Variants in SIL1 observed in about 807,000 individuals in gnomAD.
SIL1 encodes the protein nucleotide exchange factor SIL1.
In SIL1, 40 loss-of-function variants were observed where a neutral mutation model predicts 49.1. The ratio of observed to expected loss-of-function variants is 0.81; its 90% CI spans 0.63 to 1.06. The LOEUF is 1.06. Ranked by LOEUF, SIL1 falls within the 50% of genes least tolerant of loss-of-function variation. The pLI, the probability that SIL1 is intolerant of heterozygous loss-of-function variation, is 0.00. For synonymous variants in SIL1, 253 were observed against 250.8 expected (o/e 1.01, Z -0.08); for missense variants, 500 against 572.6 (o/e 0.87, Z 1.29).
chr5:139,186,442 G>A (rs1752079068), intron 1 of SIL1, among the ~76,000 whole-genome samples: 1 of 152,080 alleles, frequency 6.6e-6, no homozygotes, highest in Non-Finnish European at 1.5e-5. Context: ...CAGATGGGTA[G>A]CCTATAGGTC....
chr5:139,119,432 A>T (rs1408949988), intron 3 of SIL1, among the ~76,000 whole-genome samples: 1 of 152,192 alleles, frequency 6.6e-6, no homozygotes, highest in African/African-American at 2.4e-5. Flanking sequence ...CAGGACACTG[A>T]CTTCCATCTG....
At chr5:139,108,385 C>T (rs1008674674) in intron 3 of SIL1, among the ~76,000 whole-genome samples, 2 of 152,152 alleles carry the variant, frequency 1.3e-5, no homozygotes. Flanking sequence ...GAAAAAGCTC[C>T]TGGGATTGCT....
intron 1 of SIL1, among the ~76,000 whole-genome samples, chr5:139,170,795 G>C (rs1265325855): frequency 6.7e-6 from 1 of 149,834 alleles, no homozygotes; most frequent in Non-Finnish European, 1.5e-5. Context: ...GCCCTGGCCA[G>C]GCCAGCCGCC....
chr5:139,149,629 C>T (rs923960494), intron 1 of SIL1, among the ~76,000 whole-genome samples: 1 of 152,172 alleles, frequency 6.6e-6, no homozygotes, highest in African/African-American at 2.4e-5. Context: ...AGGCAGAAGA[C>T]AACAGACGTC....
At chr5:139,120,649 T>G (rs1214193171) in intron 3 of SIL1, among the ~76,000 whole-genome samples, 1 of 152,126 alleles carries the variant, frequency 6.6e-6, no homozygotes, top group Admixed American at 6.6e-5. Context: ...CCCACACCAG[T>G]GCTCAGGACT....
chr5:139,185,806 C>T (rs1297443279), intron 1 of SIL1, among the ~76,000 whole-genome samples: 3 of 152,086 alleles, frequency 2.0e-5, no homozygotes, highest in Non-Finnish European at 4.4e-5. Context: ...TGATGCCAGG[C>T]AAGTAAGCAC....
At chr5:139,056,107 G>A (rs1226528822) in intron 3 of SIL1, among the ~76,000 whole-genome samples, 1 of 151,692 alleles carries the variant, frequency 6.6e-6, no homozygotes, top group Non-Finnish European at 1.5e-5. Flanking sequence ...TCTGGGAAGT[G>A]AGGAGCGTCT....
intron 3 of SIL1, among the ~76,000 whole-genome samples, chr5:139,082,882 C>A (rs1055335108): frequency 6.6e-6 from 1 of 152,208 alleles, no homozygotes; most frequent in Non-Finnish European, 1.5e-5. Context: ...TCAGCCCCAT[C>A]AGTCATATAG....
At chr5:139,066,201 T>C (rs1364855792) in intron 3 of SIL1, among the ~76,000 whole-genome samples, 1 of 152,186 alleles carries the variant, frequency 6.6e-6, no homozygotes, top group Non-Finnish European at 1.5e-5. Flanking sequence ...TACTATCTCA[T>C]GGTGTTCAAG....
intron 1 of SIL1, among the ~76,000 whole-genome samples, chr5:139,143,338 C>CATATATATATAT (rs1251442889): frequency 2.6e-3 from 216 of 84,090 alleles, no homozygotes; most frequent in Non-Finnish European, 4.3e-3. Flanking sequence ...CACACACACA[C>CATATATATATAT]ACACACATAT....
intron 3 of SIL1, among the ~76,000 whole-genome samples, chr5:139,100,704 G>C (rs370615715): frequency 6.6e-6 from 1 of 152,114 alleles, no homozygotes; most frequent in Non-Finnish European, 1.5e-5. Flanking sequence ...TGTTGGGATC[G>C]GCTGTCAGAC....
rs559311594 is a variant in SIL1 at position 138,979,334 on chromosome 5, A to T, written c.768-27450T>A. 2.6e-5 allele frequency among the ~76,000 whole-genome samples: 4 copies of T among 152,284 alleles called. No individual in the cohort carries two copies. In the East Asian group the frequency reaches 7.7e-4, roughly 29 times the overall value. ...CGCCTTGGCCTCCCAAAGTGCTGGG[A>T]TTACAGGCGTGAGCCACAGCACCCA... is the stretch of plus-strand genomic sequence containing the variant. On this transcript the variant is annotated intron_variant, in intron 7 of 9. Coordinates refer to ENST00000394817, the MANE Select transcript of SIL1 (RefSeq NM_022464.5).
At chr5:139,004,933 T>C (rs1193298928) in intron 7 of SIL1, among the ~76,000 whole-genome samples, 2 of 152,150 alleles carry the variant, frequency 1.3e-5, no homozygotes, top group Non-Finnish European at 2.9e-5. Flanking sequence ...AGTAGAATGG[T>C]ACTTACCAAG....
chr5:139,035,225 G>C, intron 5 of SIL1: 1 of 450,552 alleles, frequency 2.2e-6, no homozygotes, highest in Non-Finnish European at 4.3e-6. Context: ...CAACACTGCA[G>C]CCCACAAACT....
intron 5 of SIL1, among the ~76,000 whole-genome samples, 175 bp downstream of exon 5, chr5:139,042,444 CT>C (rs376335378): frequency 9.2e-5 from 14 of 151,444 alleles, no homozygotes; most frequent in Admixed American, 2.6e-4. Flanking sequence ...GCTCCCAGCA[CT>C]TTTTTTTTAA....
At chr5:139,137,941 T>A (rs538688000) in intron 1 of SIL1, among the ~76,000 whole-genome samples, 1 of 150,336 alleles carries the variant, frequency 6.7e-6, no homozygotes, top group African/African-American at 2.5e-5. Flanking sequence ...GGCACCTTGA[T>A]TACTAAATGC....
intron 3 of SIL1, among the ~76,000 whole-genome samples, chr5:139,079,691 G>A (rs1770031681): frequency 1.3e-5 from 2 of 152,316 alleles, no homozygotes. Flanking sequence ...GAACAAAATG[G>A]AAAGTTAAAC....
chr5:139,086,895 G>A (rs1360396778), intron 3 of SIL1, among the ~76,000 whole-genome samples: 1 of 151,912 alleles, frequency 6.6e-6, no homozygotes, highest in Non-Finnish European at 1.5e-5. Context: ...GGGAGGCGGA[G>A]GTTGCAGTGA....
chr5:139,154,364 A>C (rs1040388842), intron 1 of SIL1, among the ~76,000 whole-genome samples: 2 of 152,242 alleles, frequency 1.3e-5, no homozygotes, highest in African/African-American at 4.8e-5. Context: ...GGGACATTAC[A>C]GTGCCCTTTA....
Sources: allele counts gnomAD v4.1 joint callset (sites outside exome capture counted in the v4.1 genomes callset), GRCh38; gene constraint gnomAD v4.1.1; transcripts MANE v1.5; gene names NCBI Gene and HGNC (gene_info 2026-07-23, HGNC 2026-07-21).